The following SCYL2 variants were observed in gnomAD, a reference collection of about 807,000 sequenced individuals.
SCYL2 encodes SCY1-like protein 2.
Under a neutral mutation model 100.4 loss-of-function variants are expected in SCYL2, and 36 were observed. The ratio of observed to expected loss-of-function variants is 0.36; its 90% CI spans 0.27 to 0.47. The LOEUF is 0.47. Among genes scored for constraint, SCYL2 ranks in the 20% least tolerant of loss-of-function variants. The pLI, the probability that SCYL2 is intolerant of heterozygous loss-of-function variation, is 1.00. For missense variants in SCYL2, 902 were observed against 1,083.9 expected (o/e 0.83, Z 2.36); for synonymous variants, 330 against 359.2 (o/e 0.92, Z 0.92).
At chr12:100,317,635 A>T in intron 9 of SCYL2, 168 bp from the exon 10 acceptor site, 1 of 1,393,274 alleles carries the variant, frequency 7.2e-7, no homozygotes, top group Non-Finnish European at 9.3e-7. Context: ...TGCCTCCAGA[A>T]ATGTAAGAGA....
intron 1 of SCYL2, among the ~76,000 whole-genome samples, chr12:100,272,246 C>T (rs990200784): frequency 1.3e-5 from 2 of 152,010 alleles, no homozygotes; most frequent in African/African-American, 4.8e-5. Context: ...TCATTTATAA[C>T]TTTGTCATTG....
At position 100,276,141 on chromosome 12, in the gene SCYL2, C is replaced by T. The variant is rs562870789; in HGVS notation, c.-28-6802C>T. Among the ~76,000 whole-genome samples, 35 of 152,258 alleles carry T rather than the reference C, an allele frequency of 2.3e-4. 1 individual carries two copies. In the South Asian group the frequency reaches 2.7e-3, roughly 12 times the overall value. The stretch of plus-strand genomic sequence containing the variant: ...TATTTGGTTTGATGTCAAGGTAATG[C>T]TGACTACATAACATGAAATGGAAAG... On this transcript the variant is annotated intron_variant, in intron 1 of 17. Transcript: ENST00000360820.
At position 100,291,664 on chromosome 12, in the gene SCYL2, A is replaced by C. The variant is rs1393082349; in HGVS notation, c.335+4A>C. 4 of 1,566,684 alleles carry C rather than the reference A, an allele frequency of 2.6e-6. No homozygotes were observed. The highest frequency in any genetic ancestry group is 3.4e-6 in the Non-Finnish European group (4 of 1,165,886). Reference sequence around the variant, plus strand: ...AGCATCCTTTAGAAGAATCCAGGTAAATTTTTACAAAAACTTACATAGTAG... The same window carrying C: ...AGCATCCTTTAGAAGAATCCAGGTACATTTTTACAAAAACTTACATAGTAG... On this transcript the variant is annotated splice_donor_region_variant and intron_variant, in intron 3 of 17. Transcript: ENST00000360820.
intron 4 of SCYL2, among the ~76,000 whole-genome samples, chr12:100,310,033 G>C (rs12580642): frequency 0.043 from 6,567 of 151,242 alleles, 479 homozygotes; most frequent in African/African-American, 0.14. Context: ...GCGTCTTGCT[G>C]TGTTGCCCAG....
At position 100,314,548 on chromosome 12, in the gene SCYL2, A is replaced by G. The variant is rs1179443121; in HGVS notation, c.1029A>G (p.Gln343=). ...VTLQYFDTLF[Q]RDNLQKSQFF... Reference sequence around the variant, plus strand: ...TGCAATATTTTGATACCTTATTCCAAAGAGATAATCTTCAGAAATCACAGT... The same window carrying G: ...TGCAATATTTTGATACCTTATTCCAGAGAGATAATCTTCAGAAATCACAGT... Residue 343 remains glutamine, a synonymous_variant, in exon 8 of 18, where the codon CAA becomes CAG. Coordinates refer to ENST00000360820, the MANE Select transcript of SCYL2 (RefSeq NM_017988.6). The G allele has an allele frequency of 6.2e-7, 1 of 1,601,088 alleles. No homozygotes were observed. Among genetic ancestry groups the G allele is most frequent in the East Asian group, 2.3e-5 (1 of 44,434 alleles).
chr12:100,338,882 C>G lies in SCYL2; in HGVS notation c.2500C>G (p.Pro834Ala), dbSNP rs1451727003. ...TGGTGCAAAGCAGACCCAACAAAGACCCACAGATATGTCTGCCCTTAATAA... is the reference window on the plus strand; with the variant it reads ...TGGTGCAAAGCAGACCCAACAAAGAGCCACAGATATGTCTGCCCTTAATAA... The part of the protein sequence containing the change: ...PAGAKQTQQR[P>A]TDMSALNNLF... Residue 834 changes from proline (P) to alanine (A), a missense_variant, in exon 18 of 18, where the codon CCC becomes GCC. Physicochemically the swap from Pro to Ala is conservative, Grantham distance 27. Transcript: ENST00000360820. 2 of 1,614,108 alleles carry G rather than the reference C, an allele frequency of 1.2e-6. No homozygotes were observed. Among genetic ancestry groups the G allele is most frequent in the Non-Finnish European group, 8.5e-7 (1 of 1,179,984 alleles).
At chr12:100,305,068 G>C (rs1095974) in intron 4 of SCYL2, among the ~76,000 whole-genome samples, 142,523 of 152,276 alleles carry the variant, frequency 0.94, 66,846 homozygotes, top group East Asian at 1. Context: ...GACTTTAACA[G>C]CCCATTGTCA....
intron 3 of SCYL2, among the ~76,000 whole-genome samples, chr12:100,294,419 G>T: frequency 8.7e-6 from 1 of 114,666 alleles, no homozygotes; most frequent in Non-Finnish European, 1.9e-5. Context: ...GGGGCGGCTG[G>T]CCGGGCGGGG....
chr12:100,310,935 C>A (rs973487586), intron 4 of SCYL2, 109 bp from the exon 5 acceptor site: 18 of 1,086,130 alleles, frequency 1.7e-5, no homozygotes, highest in South Asian at 2.3e-5. Flanking sequence ...TTAGCTGACA[C>A]GCAAAACTTT....
intron 11 of SCYL2, among the ~76,000 whole-genome samples, chr12:100,324,526 AG>A (rs1339858861): frequency 1.3e-5 from 2 of 152,230 alleles, no homozygotes; most frequent in African/African-American, 4.8e-5. Context: ...TATAAGCAAA[AG>A]TAATTTGAAT....
chr12:100,313,432 T>C lies in SCYL2; in HGVS notation c.863T>C (p.Leu288Ser), dbSNP rs777937936. 6.4e-7 allele frequency: 1 copy of C among 1,551,960 alleles called. No individual in the cohort carries two copies. The highest frequency in any genetic ancestry group is 1.4e-5 in the African/African-American group (1 of 73,646). Residue 288 changes from leucine to serine, a missense_variant, in exon 7 of 18, where the codon TTA becomes TCA. Physicochemically the swap from Leu to Ser is moderately radical, Grantham distance 145. Coordinates refer to ENST00000360820, the MANE Select transcript of SCYL2 (RefSeq NM_017988.6). ...FSRQLDQLSR[L>S]GSSSLTNIPE... ...CACTCTTTTGAATAGTTGAGTCGTT[T>C]AGGATCTAGTTCACTTACAAATATA...
At chr12:100,335,205 C>T (rs964143403) in intron 14 of SCYL2, among the ~76,000 whole-genome samples, 1 of 151,988 alleles carries the variant, frequency 6.6e-6, no homozygotes, top group Non-Finnish European at 1.5e-5. Flanking sequence ...TTTTCTTCCT[C>T]CTATCTAAAT....
intron 4 of SCYL2, among the ~76,000 whole-genome samples, chr12:100,299,702 CTT>C (rs147302630): frequency 2.1e-5 from 3 of 143,490 alleles, no homozygotes. Context: ...ATAGTTGATT[CTT>C]TTTTTTTTTT....
intron 3 of SCYL2, among the ~76,000 whole-genome samples, chr12:100,294,562 C>T (rs542164031): frequency 5.9e-4 from 81 of 137,896 alleles, no homozygotes; most frequent in African/African-American, 1.7e-3. Flanking sequence ...GGCGGCTGGC[C>T]GGGCGGGGGC....
intron 2 of SCYL2, among the ~76,000 whole-genome samples, chr12:100,284,420 A>G (rs976844175): frequency 1.3e-5 from 2 of 152,154 alleles, no homozygotes; most frequent in Non-Finnish European, 2.9e-5. Flanking sequence ...AGCTCAGTGG[A>G]TATAGGTTCA....
intron 16 of SCYL2, among the ~76,000 whole-genome samples, chr12:100,336,525 A>C (rs1952279295): frequency 6.6e-6 from 1 of 152,084 alleles, no homozygotes; most frequent in South Asian, 2.1e-4. Flanking sequence ...AAAGTTGTAC[A>C]TTTTTGGCAG....
intron 10 of SCYL2, chr12:100,319,180 C>G (rs1398025833): frequency 2.2e-6 from 1 of 454,980 alleles, no homozygotes; most frequent in South Asian, 1.6e-5. Context: ...TTCGTTTGTT[C>G]AAGGCTGTGA....
chr12:100,295,815 C>A (rs1227203194), intron 3 of SCYL2, among the ~76,000 whole-genome samples: 1 of 151,862 alleles, frequency 6.6e-6, no homozygotes, highest in African/African-American at 2.4e-5. Flanking sequence ...GATTTCAAAG[C>A]TTCATCCATG....
intron 4 of SCYL2, among the ~76,000 whole-genome samples, chr12:100,302,561 T>C (rs2096329205): frequency 6.6e-6 from 1 of 152,244 alleles, no homozygotes; most frequent in South Asian, 2.1e-4. Flanking sequence ...AATTCTTTTC[T>C]TTAAGAATAT....
Sources: allele counts gnomAD v4.1 joint callset (sites outside exome capture counted in the v4.1 genomes callset), GRCh38; gene constraint gnomAD v4.1.1; transcripts MANE v1.5; gene names NCBI Gene and HGNC (gene_info 2026-07-23, HGNC 2026-07-21).